Variants in DENND1B observed in about 807,000 individuals in gnomAD.
DENND1B encodes the protein DENN domain-containing protein 1B.
A neutral mutation model predicts 90.1 loss-of-function variants in DENND1B; 59 were observed. The ratio of observed to expected loss-of-function variants is 0.65; its 90% CI spans 0.53 to 0.81. The LOEUF is 0.81. Among genes scored for constraint, DENND1B ranks in the 40% least tolerant of loss-of-function variants. DENND1B has a pLI of 0.00. For missense variants in DENND1B, 862 were observed against 912.6 expected (o/e 0.94, Z 0.71); for synonymous variants, 337 against 324.6 (o/e 1.04, Z -0.41).
intron 7 of DENND1B, among the ~76,000 whole-genome samples, chr1:197,647,619 A>C (rs1242462726): frequency 6.6e-6 from 1 of 152,192 alleles, no homozygotes; most frequent in Non-Finnish European, 1.5e-5. Flanking sequence ...ATTCATAGTA[A>C]ACAAACATTA....
intron 21 of DENND1B, among the ~76,000 whole-genome samples, chr1:197,512,390 T>C (rs1668090215): frequency 6.6e-6 from 1 of 151,750 alleles, no homozygotes. Flanking sequence ...CATTTTGTCA[T>C]TGTCATACAT....
intron 1 of DENND1B, among the ~76,000 whole-genome samples, chr1:197,774,129 T>C (rs998310195): frequency 3.3e-5 from 5 of 152,210 alleles, no homozygotes; most frequent in African/African-American, 7.2e-5. Context: ...AAACAATTAA[T>C]GTCAAGAAGC....
intron 11 of DENND1B, among the ~76,000 whole-genome samples, 164 bp from the exon 12 acceptor site, chr1:197,612,140 A>C (rs1677236681): frequency 6.6e-6 from 1 of 150,730 alleles, no homozygotes; most frequent in South Asian, 2.1e-4. Context: ...GCTCAAATTT[A>C]ATCTTAGAGG....
chr1:197,697,914 T>C (rs562679681), intron 3 of DENND1B, among the ~76,000 whole-genome samples: 3 of 152,214 alleles, frequency 2.0e-5, no homozygotes, highest in African/African-American at 4.8e-5. Flanking sequence ...CCCAGATTCA[T>C]ACAACAAGTT....
At chr1:197,583,721 T>C (rs1055289241) in intron 14 of DENND1B, among the ~76,000 whole-genome samples, 2 of 152,184 alleles carry the variant, frequency 1.3e-5, no homozygotes, top group South Asian at 4.1e-4. Context: ...CTCTTCATGA[T>C]TGCAAAACAA....
intron 2 of DENND1B, among the ~76,000 whole-genome samples, chr1:197,765,309 C>T (rs1042385117): frequency 2.0e-5 from 3 of 151,982 alleles, no homozygotes; most frequent in African/African-American, 7.3e-5. Context: ...AGCTTATTTC[C>T]AAGGAAGAAG....
chr1:197,602,228 CA>C (rs1468584510), intron 13 of DENND1B, among the ~76,000 whole-genome samples: 1 of 151,422 alleles, frequency 6.6e-6, no homozygotes, highest in East Asian at 1.9e-4. Context: ...GTTTCTATTA[CA>C]AAAGATAAAA....
In DENND1B at chr1:197,753,830, G is replaced by A. The variant is rs907040076; in HGVS notation, c.82+19038C>T. 4.9e-4 allele frequency among the ~76,000 whole-genome samples: 75 copies of A among 151,802 alleles called. 1 individual carries two copies. Among genetic ancestry groups the A allele is most frequent in the African/African-American group, 1.7e-3 (71 of 41,280 alleles). ...AGCCTGGCCAACATGGTGAAATCCCGTCTCTACTAAAAATACAAAAAAAAC... is the reference window on the plus strand; with the variant it reads ...AGCCTGGCCAACATGGTGAAATCCCATCTCTACTAAAAATACAAAAAAAAC... On this transcript the variant is annotated intron_variant, in intron 2 of 22. Coordinates refer to ENST00000620048, the MANE Select transcript of DENND1B (RefSeq NM_001195215.2).
chr1:197,771,189 G>T (rs796731118), intron 2 of DENND1B, among the ~76,000 whole-genome samples: 9 of 152,176 alleles, frequency 5.9e-5, no homozygotes, highest in African/African-American at 1.9e-4. Flanking sequence ...TGGGATTATA[G>T]GCGTGAGCCA....
chr1:197,643,484 T>C (rs1316304351), intron 9 of DENND1B, among the ~76,000 whole-genome samples: 3 of 152,128 alleles, frequency 2.0e-5, no homozygotes, highest in Admixed American at 6.5e-5. Flanking sequence ...CAAATACTTC[T>C]GGTGATTCTT....
chr1:197,603,290 T>C (rs182530234), intron 13 of DENND1B, among the ~76,000 whole-genome samples: 57 of 151,506 alleles, frequency 3.8e-4, no homozygotes, highest in African/African-American at 1.3e-3. Flanking sequence ...TAATATATTT[T>C]AAATGAGTTA....
intron 20 of DENND1B, among the ~76,000 whole-genome samples, chr1:197,524,538 T>C (rs758062692): frequency 7.2e-5 from 11 of 152,090 alleles, no homozygotes; most frequent in Non-Finnish European, 1.6e-4. Context: ...TATTAAGTGA[T>C]GAGGGTGATG....
chr1:197,747,732 T>C (rs1652891577), intron 2 of DENND1B, among the ~76,000 whole-genome samples: 2 of 152,254 alleles, frequency 1.3e-5, no homozygotes, highest in Non-Finnish European at 2.9e-5. Flanking sequence ...GCATGCTTAC[T>C]GCACACTACA....
intron 3 of DENND1B, among the ~76,000 whole-genome samples, chr1:197,686,077 C>G (rs1024761136): frequency 1.3e-5 from 2 of 152,082 alleles, no homozygotes; most frequent in African/African-American, 4.8e-5. Flanking sequence ...TTGATCACTC[C>G]AGTCTAGTCT....
intron 4 of DENND1B, 138 bp from the exon 5 acceptor site, chr1:197,672,294 C>T (rs1246245514): frequency 9.6e-7 from 1 of 1,046,360 alleles, no homozygotes; most frequent in Non-Finnish European, 1.3e-6. Flanking sequence ...GAACTATGTT[C>T]TAAAACTAGA....
intron 10 of DENND1B, among the ~76,000 whole-genome samples, chr1:197,638,878 A>AC (rs1056982352): frequency 1.3e-5 from 2 of 151,616 alleles, no homozygotes; most frequent in African/African-American, 2.4e-5. Flanking sequence ...CAGAATAAAA[A>AC]AAAACTGATT....
chr1:197,676,619 C>A (rs1270500137), intron 3 of DENND1B, among the ~76,000 whole-genome samples: 2 of 151,076 alleles, frequency 1.3e-5, no homozygotes, highest in African/African-American at 4.9e-5. Flanking sequence ...TATTTTTATG[C>A]CAAAAGAGTA....
chr1:197,621,032 G>A (rs1001626663), intron 10 of DENND1B, among the ~76,000 whole-genome samples: 6 of 151,162 alleles, frequency 4.0e-5, no homozygotes, highest in African/African-American at 1.5e-4. Context: ...TAAATTAAAC[G>A]AGGCATTCAG....
chr1:197,700,339 G>A (rs187391476), intron 3 of DENND1B, among the ~76,000 whole-genome samples: 1 of 152,132 alleles, frequency 6.6e-6, no homozygotes, highest in Admixed American at 6.6e-5. Flanking sequence ...TCTGATCTTT[G>A]GCAAACCTGA....
Sources: gnomAD v4.1 joint callset for allele counts (sites outside exome capture counted in the v4.1 genomes callset) on GRCh38, gnomAD v4.1.1 for gene constraint, MANE v1.5 for transcripts, NCBI Gene and HGNC (gene_info 2026-07-23, HGNC 2026-07-21) for gene names.